Variants in RBPJ observed in about 807,000 individuals in gnomAD.
RBPJ encodes the protein recombination signal binding protein for immunoglobulin kappa J region.
A neutral mutation model predicts 67.8 loss-of-function variants in RBPJ; 9 were observed. The observed-to-expected ratio is 0.13, with a 90% CI of 0.08 to 0.23. The LOEUF (loss-of-function observed/expected upper bound fraction) is 0.23, where lower values mean the gene tolerates loss of function less well. RBPJ is among the 10% of genes least tolerant of loss of function. The pLI is 1.00. For synonymous variants in RBPJ, 198 were observed against 203.3 expected (o/e 0.97, Z 0.22); for missense variants, 305 against 595.6 (o/e 0.51, Z 5.08).
intron 1 of RBPJ, among the ~76,000 whole-genome samples, chr4:26,378,774 C>A (rs985093491): frequency 5.9e-5 from 9 of 152,114 alleles, no homozygotes; most frequent in Middle Eastern, 3.2e-3. Flanking sequence ...GGCCTGTAAT[C>A]CCAGTACTTT....
chr4:26,195,395 A>G (rs6814216), intron 1 of RBPJ, among the ~76,000 whole-genome samples: 2,065 of 152,246 alleles, frequency 0.014, 45 homozygotes, highest in African/African-American at 0.047. Flanking sequence ...CAGTAAGAAA[A>G]AGGAATAAAG....
chr4:26,344,129 C>T (rs1310620931), intron 1 of RBPJ, among the ~76,000 whole-genome samples: 2 of 152,140 alleles, frequency 1.3e-5, no homozygotes, highest in Non-Finnish European at 2.9e-5. Flanking sequence ...AGTGATCCGC[C>T]AACCTCAGCT....
chr4:26,391,058 A>G (rs1227318569), intron 2 of RBPJ, among the ~76,000 whole-genome samples: 1 of 152,238 alleles, frequency 6.6e-6, no homozygotes, highest in Non-Finnish European at 1.5e-5. Flanking sequence ...CCCTGTCTCA[A>G]ATAAATATAT....
chr4:26,359,202 T>C (rs1727741012), intron 1 of RBPJ, among the ~76,000 whole-genome samples: 1 of 152,160 alleles, frequency 6.6e-6, no homozygotes, highest in South Asian at 2.1e-4. Flanking sequence ...CTGATTAAAA[T>C]GTATAAATAG....
chr4:26,164,242 C>A (rs1246516303), intron 1 of RBPJ, among the ~76,000 whole-genome samples: 1 of 152,220 alleles, frequency 6.6e-6, no homozygotes, highest in African/African-American at 2.4e-5. Flanking sequence ...CAGAAATGTT[C>A]ATGCATGCGT....
At chr4:26,316,827 C>CTTTTTTTTTTTTTTTTT (rs56130072), upstream of RBPJ, among the ~76,000 whole-genome samples, 3 of 71,396 alleles carry the variant, frequency 4.2e-5, 1 homozygote, top group African/African-American at 1.1e-4. Flanking sequence ...ACCCAGACGA[C>CTTTTTTTTTTTTTTTTT]TTTTTTTTTT....
In RBPJ at chr4:26,347,209, C is replaced by T. The variant is rs143494297; in HGVS notation, c.20+26161C>T. Among the ~76,000 whole-genome samples, 321 of 152,094 alleles carry T rather than the reference C, an allele frequency of 2.1e-3. 3 individuals carry two copies. The highest frequency in any genetic ancestry group is 7.1e-3 in the African/African-American group (295 of 41,470). On this transcript the variant is annotated intron_variant, in intron 1 of 10. Coordinates refer to ENST00000355476, the MANE Select transcript of RBPJ (RefSeq NM_015874.6). Reference sequence around the variant, plus strand: ...TGTGAGAAAGCTAGATGAAGATATCCAGTGGCCAGTTATACGTGGCGATCC... The same window carrying T: ...TGTGAGAAAGCTAGATGAAGATATCTAGTGGCCAGTTATACGTGGCGATCC...
At chr4:26,224,000 GAGAACACA>G (rs1168554151) in intron 1 of RBPJ, among the ~76,000 whole-genome samples, 1 of 152,184 alleles carries the variant, frequency 6.6e-6, no homozygotes, top group African/African-American at 2.4e-5. Flanking sequence ...GAGTTGTTGT[GAGAACACA>G]AGATTAATAG....
rs181476589 is a variant in RBPJ, at chr4:26,406,079, T to C, written c.60-96T>C. 27 of 725,916 alleles carry C rather than the reference T, an allele frequency of 3.7e-5. No individual in the cohort carries two copies. The Admixed American group carries it at 6.5e-4, about 18-fold the overall frequency. The allele number at this position is 725,916 out of a possible 1,614,324, so 45.0% of individuals were successfully genotyped here. On this transcript the variant is annotated intron_variant, in intron 2 of 10. Coordinates refer to ENST00000355476, the MANE Select transcript of RBPJ (RefSeq NM_015874.6). ...TTAAGATTTGCTTATTTAAAAAATA[T>C]TTATAAGCATTCCTCTCATTACAGA...
At chr4:26,191,260 G>A (rs1239874747) in intron 1 of RBPJ, among the ~76,000 whole-genome samples, 1 of 142,420 alleles carries the variant, frequency 7.0e-6, no homozygotes, top group Non-Finnish European at 1.5e-5. Flanking sequence ...GAGAGAGGGA[G>A]AGAGGGAGAG....
chr4:26,282,249 A>T (rs923787072), intron 1 of RBPJ, among the ~76,000 whole-genome samples: 4 of 152,086 alleles, frequency 2.6e-5, no homozygotes, highest in Non-Finnish European at 5.9e-5. Flanking sequence ...CCTTGAAAAA[A>T]AAATGTCCAT....
chr4:26,390,149 A>G (rs577725969), intron 2 of RBPJ, among the ~76,000 whole-genome samples: 4 of 152,344 alleles, frequency 2.6e-5, no homozygotes, highest in Non-Finnish European at 5.9e-5. Context: ...CAGTATATTA[A>G]TAGAACAAAA....
intron 1 of RBPJ, among the ~76,000 whole-genome samples, chr4:26,169,531 C>T (rs1490261022): frequency 6.6e-6 from 1 of 152,180 alleles, no homozygotes; most frequent in East Asian, 1.9e-4. Flanking sequence ...GGTCAGAGAC[C>T]CACCTGAGGA....
upstream of RBPJ, among the ~76,000 whole-genome samples, chr4:26,160,012 G>C (rs939231163): frequency 6.6e-6 from 1 of 151,710 alleles, no homozygotes; most frequent in Non-Finnish European, 1.5e-5. Flanking sequence ...TCCGCTTCCC[G>C]AGTTCACGCC....
chr4:26,131,512 A>T, the RBPJ span, among the ~76,000 whole-genome samples: 1 of 152,192 alleles, frequency 6.6e-6, no homozygotes. Flanking sequence ...AGCCCACTGA[A>T]ATAGGCTAAA....
At chr4:26,290,954 T>G (rs1429630848) in intron 1 of RBPJ, among the ~76,000 whole-genome samples, 1 of 151,088 alleles carries the variant, frequency 6.6e-6, no homozygotes, top group Non-Finnish European at 1.5e-5. Context: ...AAGTAAATAA[T>G]CCTTCATTTT....
At chr4:26,139,038 C>A in the RBPJ span, among the ~76,000 whole-genome samples, 2 of 152,204 alleles carry the variant, frequency 1.3e-5, no homozygotes, top group East Asian at 3.9e-4. Context: ...TCAGGACAAC[C>A]CAGGCAGCTG....
chr4:26,272,790 G>T, intron 1 of RBPJ: 1 of 437,166 alleles, frequency 2.3e-6, no homozygotes, highest in South Asian at 1.7e-5. Context: ...AGGGGGTGAT[G>T]GGATGGAGGA....
intron 5 of RBPJ, among the ~76,000 whole-genome samples, chr4:26,421,935 A>T (rs1023478865): frequency 6.6e-6 from 1 of 152,136 alleles, no homozygotes; most frequent in African/African-American, 2.4e-5. Context: ...TGGTTTGTTC[A>T]AACATGGATT....
Sources: allele counts gnomAD v4.1 joint callset (sites outside exome capture counted in the v4.1 genomes callset), GRCh38; gene constraint gnomAD v4.1.1; transcripts MANE v1.5; gene names NCBI Gene and HGNC (gene_info 2026-07-23, HGNC 2026-07-21).